ANOS1: variants seen among roughly 807,000 people sequenced by gnomAD.
ANOS1 encodes the protein anosmin-1.
ANOS1 carries 6 observed loss-of-function variants against 59.0 expected under a neutral mutation model. That is an observed-to-expected ratio of 0.10 (90% CI 0.06 to 0.20). ANOS1 has a LOEUF of 0.20. ANOS1 is among the 10% of genes least tolerant of loss of function. The pLI, the probability that ANOS1 is intolerant of heterozygous loss-of-function variation, is 1.00. For missense variants in ANOS1, 433 were observed against 542.3 expected, an observed-to-expected ratio of 0.80 and a Z score of 2.00; for synonymous variants, 217 against 223.4, an observed-to-expected ratio of 0.97 and a Z score of 0.25.
chrX:8,632,043 C>G (rs1401066726), intron 2 of ANOS1, among the ~76,000 whole-genome samples: 1 of 111,689 alleles, frequency 9.0e-6, no homozygotes, highest in African/African-American at 3.3e-5. Flanking sequence ...ATGTGTGTGC[C>G]TTCGTGGATG....
intron 3 of ANOS1, among the ~76,000 whole-genome samples, chrX:8,618,548 C>T (rs778908347): frequency 3.6e-5 from 4 of 111,839 alleles, no homozygotes; most frequent in Non-Finnish European, 7.5e-5. Flanking sequence ...TGCCATGCAT[C>T]AGAAACGTCA....
intron 8 of ANOS1, chrX:8,566,298 A>T (rs1327314265): frequency 1.4e-6 from 1 of 727,443 alleles, no homozygotes; most frequent in African/African-American, 2.4e-5. Context: ...CAGAAACCAA[A>T]ATACATCATC....
At chrX:8,568,708 C>A (rs1259783676) in intron 7 of ANOS1, among the ~76,000 whole-genome samples, 1 of 110,286 alleles carries the variant, frequency 9.1e-6, no homozygotes, top group Non-Finnish European at 1.9e-5. Flanking sequence ...ACTTGTAGTT[C>A]CAGCTACTCA....
At position 8,568,289 on chromosome X, in the gene ANOS1, G is replaced by C. The variant is rs761052947; in HGVS notation, c.1150C>G (p.Arg384Gly). Residue 384 changes from arginine (R) to glycine (G), a missense_variant, in exon 8 of 14, where the codon CGG becomes GGG. Coordinates refer to ENST00000262648, the MANE Select transcript of ANOS1 (RefSeq NM_000216.4). ...AGGGACACCTTTGCACTCTTCAGCCGTGTCTGTCCCCAGTACGTTATGGCT... is the reference window on the plus strand; with the variant it reads ...AGGGACACCTTTGCACTCTTCAGCCCTGTCTGTCCCCAGTACGTTATGGCT... ...LQAITYWGQT[R>G]LKSAKVSLHF... 1 of 1,207,517 alleles carries C rather than the reference G, an allele frequency of 8.3e-7. No individual in the cohort carries two copies.
intron 2 of ANOS1, among the ~76,000 whole-genome samples, chrX:8,691,217 G>A (rs1467039270): frequency 9.1e-6 from 1 of 109,704 alleles, no homozygotes; most frequent in African/African-American, 3.3e-5. Flanking sequence ...GGGATTACAG[G>A]CGTGCACCAC....
intron 2 of ANOS1, among the ~76,000 whole-genome samples, chrX:8,665,292 C>T (rs1199239130): frequency 8.9e-6 from 1 of 112,354 alleles, no homozygotes. Context: ...AAAGCTCTGC[C>T]TTAAAACAGA....
At position 8,732,051 on chromosome X, in the gene ANOS1, G is replaced by A; in HGVS notation, c.-15C>T. ...CCGGGCACCATGGCTGCGGGTCGAG[G>A]GCGAGGGCGAGGGCGCCGGGCGCGG... On this transcript the variant is annotated 5_prime_UTR_variant, in exon 1 of 14. Coordinates refer to ENST00000262648, the MANE Select transcript of ANOS1 (RefSeq NM_000216.4). 1 of 924,886 alleles carries A rather than the reference G, an allele frequency of 1.1e-6. No individual in the cohort carries two copies. The allele number at this position is 924,886 out of a possible 1,213,427, so 76.2% of individuals were successfully genotyped here.
chrX:8,623,702 A>C, intron 2 of ANOS1, 32 bp from the exon 3 acceptor site: 1 of 1,065,315 alleles, frequency 9.4e-7, no homozygotes, highest in Non-Finnish European at 1.3e-6. Flanking sequence ...AATAAATAAA[A>C]CATGGAAACA....
intron 4 of ANOS1, among the ~76,000 whole-genome samples, chrX:8,594,116 C>G (rs1240837056): frequency 9.0e-6 from 1 of 111,442 alleles, no homozygotes; most frequent in African/African-American, 3.3e-5. Flanking sequence ...GCATAGCCTG[C>G]AACCTCTGTT....
At chrX:8,640,196 G>A (rs1251150480) in intron 2 of ANOS1, among the ~76,000 whole-genome samples, 1 of 111,118 alleles carries the variant, frequency 9.0e-6, no homozygotes, top group Non-Finnish European at 1.9e-5. Flanking sequence ...AAATGCAGGG[G>A]CTGCCTCTCT....
intron 6 of ANOS1, among the ~76,000 whole-genome samples, chrX:8,574,703 C>T (rs1406305286): frequency 8.9e-6 from 1 of 112,001 alleles, no homozygotes; most frequent in Non-Finnish European, 1.9e-5. Flanking sequence ...CGAAGGGCTG[C>T]ACTGTCGGCT....
At chrX:8,688,135 T>A (rs1224307061) in intron 2 of ANOS1, among the ~76,000 whole-genome samples, 3 of 112,113 alleles carry the variant, frequency 2.7e-5, no homozygotes, top group Non-Finnish European at 5.6e-5. Flanking sequence ...GAGAGTTTTC[T>A]ACCCCAGTAG....
intron 3 of ANOS1, among the ~76,000 whole-genome samples, chrX:8,618,686 A>G (rs1231818122): frequency 8.9e-6 from 1 of 112,530 alleles, no homozygotes; most frequent in African/African-American, 3.2e-5. Flanking sequence ...TTAAGATTCC[A>G]TTGATTGTGA....
At chrX:8,678,936 G>A (rs1001656902) in intron 2 of ANOS1, among the ~76,000 whole-genome samples, 1 of 111,777 alleles carries the variant, frequency 8.9e-6, no homozygotes, top group Non-Finnish European at 1.9e-5. Context: ...TGGAGCAGAT[G>A]AAAGAAGTCC....
chrX:8,679,082 C>G (rs1219326208), intron 2 of ANOS1, among the ~76,000 whole-genome samples: 1 of 111,462 alleles, frequency 9.0e-6, no homozygotes, highest in Non-Finnish European at 1.9e-5. Context: ...AAAACAGAAA[C>G]TGTCAGGCAT....
At chrX:8,608,410 G>A (rs1163871088) in intron 3 of ANOS1, among the ~76,000 whole-genome samples, 3 of 111,325 alleles carry the variant, frequency 2.7e-5, no homozygotes, top group Non-Finnish European at 5.7e-5. Context: ...TTTACTCTTT[G>A]ATTTATATTG....
At chrX:8,670,087 T>C (rs1932230965) in intron 2 of ANOS1, among the ~76,000 whole-genome samples, 1 of 110,805 alleles carries the variant, frequency 9.0e-6, no homozygotes, top group African/African-American at 3.3e-5. Context: ...GTTGGAACTA[T>C]GTGATTAATT....
At chrX:8,579,560 C>T (rs752314412) in intron 6 of ANOS1, among the ~76,000 whole-genome samples, 56 of 111,805 alleles carry the variant, frequency 5.0e-4, no homozygotes, top group Non-Finnish European at 9.8e-4. Context: ...ACAGGAATCA[C>T]GCTGATGTTG....
intron 2 of ANOS1, among the ~76,000 whole-genome samples, chrX:8,644,139 T>C (rs1294732819): frequency 8.9e-6 from 1 of 112,001 alleles, no homozygotes; most frequent in African/African-American, 3.2e-5. Context: ...TTTGACTCTT[T>C]TCGTCGACAT....
Sources: gnomAD v4.1 joint callset for allele counts (sites outside exome capture counted in the v4.1 genomes callset) on GRCh38, gnomAD v4.1.1 for gene constraint, MANE v1.5 for transcripts, NCBI Gene and HGNC (gene_info 2026-07-23, HGNC 2026-07-21) for gene names.